Variants in ZNF365 observed in about 807,000 individuals in gnomAD.
ZNF365 encodes protein ZNF365.
Under a neutral mutation model 35.0 loss-of-function variants are expected in ZNF365, and 22 were observed. That is an observed-to-expected ratio of 0.63 (90% confidence interval 0.45 to 0.90). ZNF365 has a LOEUF of 0.90. Among genes scored for constraint, ZNF365 ranks in the 40% least tolerant of loss-of-function variants. The probability of loss-of-function intolerance (pLI) is 0.00; values close to 1 mark genes in which losing one functional copy is unlikely to be tolerated. For missense variants in ZNF365, 448 were observed against 500.3 expected (o/e 0.90, Z 1.00); for synonymous variants, 188 against 196.2 (o/e 0.96, Z 0.35).
At chr10:62,415,316 A>G (rs1362419068) in intron 3 of ZNF365, among the ~76,000 whole-genome samples, 1 of 152,028 alleles carries the variant, frequency 6.6e-6, no homozygotes, top group African/African-American at 2.4e-5. Flanking sequence ...CGCCCTTTCC[A>G]CTACTGGGCA....
chr10:62,402,851 A>T (rs368122688), downstream of ZNF365, among the ~76,000 whole-genome samples: 114 of 152,352 alleles, frequency 7.5e-4, no homozygotes, highest in Middle Eastern at 0.031. Flanking sequence ...GAGAGTGATC[A>T]GAATAGATAA....
At chr10:62,397,591 A>C (rs1390709243) in intron 3 of ZNF365, among the ~76,000 whole-genome samples, 3 of 152,186 alleles carry the variant, frequency 2.0e-5, no homozygotes, top group African/African-American at 7.2e-5. Context: ...GATAATTATC[A>C]ATTTATTCTG....
rs1839274088 is a variant in ZNF365, at chr10:62,374,405, C to T, written c.-67C>T. 1 of 147,856 alleles carries T rather than the reference C, an allele frequency of 6.8e-6. No individual in the cohort carries two copies. The highest frequency in any genetic ancestry group is 2.4e-5 in the African/African-American group (1 of 40,908). The allele number at this position is 147,856 out of a possible 1,614,324, so 9.2% of individuals were successfully genotyped here. On this transcript the variant is annotated 5_prime_UTR_variant, in exon 1 of 5. Transcript: ENST00000395254. ...CGGCTCTGCTGAAAACCGCTTCGCTCCCGCAGCATCAGCACCGGAGGCGGC... is the reference window on the plus strand; with the variant it reads ...CGGCTCTGCTGAAAACCGCTTCGCTTCCGCAGCATCAGCACCGGAGGCGGC...
chr10:62,480,250 T>C, exon 5 of ZNF365: 3 of 1,017,570 alleles, frequency 2.9e-6, no homozygotes, highest in Non-Finnish European at 3.5e-6. Flanking sequence ...ACATGGCAGG[T>C]ACTCAGTTGT....
chr10:62,402,819 A>G (rs1338097771), downstream of ZNF365, among the ~76,000 whole-genome samples: 8 of 152,242 alleles, frequency 5.3e-5, no homozygotes, highest in South Asian at 1.7e-3. Context: ...TATGCTATAC[A>G]TCCAAGACAT....
chr10:62,428,094 C>T (rs1026222866), intron 3 of ZNF365, among the ~76,000 whole-genome samples: 5 of 152,184 alleles, frequency 3.3e-5, no homozygotes, highest in East Asian at 1.9e-4. Context: ...GTTGATCCTA[C>T]GTGATTAATT....
At chr10:62,479,778 G>A (rs148535948) in intron 4 of ZNF365, 2 of 831,434 alleles carry the variant, frequency 2.4e-6, no homozygotes, top group African/African-American at 1.7e-5. Flanking sequence ...TTGTTTGCCA[G>A]GACCCATGGT....
chr10:62,397,688 GAT>G (rs1468090905), intron 3 of ZNF365, among the ~76,000 whole-genome samples: 1 of 152,186 alleles, frequency 6.6e-6, no homozygotes, highest in African/African-American at 2.4e-5. Context: ...TCATCTCAAT[GAT>G]AGACAGCCTC....
intron 2 of ZNF365, among the ~76,000 whole-genome samples, chr10:62,382,963 T>G (rs964114946): frequency 6.6e-6 from 1 of 152,158 alleles, no homozygotes; most frequent in Non-Finnish European, 1.5e-5. Context: ...GAGGAGAAGC[T>G]GATGTTAAAG....
At chr10:62,374,576 G>C (rs3816882) in intron 1 of ZNF365, 118 bp downstream of exon 1, 1 of 152,004 alleles carries the variant, frequency 6.6e-6, no homozygotes, top group Non-Finnish European at 1.5e-5. Context: ...TGGGAGAGCC[G>C]GCTTCCCGGC....
intron 3 of ZNF365, among the ~76,000 whole-genome samples, chr10:62,392,413 G>C (rs748870307): frequency 1.3e-5 from 2 of 152,176 alleles, no homozygotes; most frequent in African/African-American, 4.8e-5. Flanking sequence ...GTTGATTTTA[G>C]TATAAGGTGA....
chr10:62,408,127 C>T (rs1424143420), intron 3 of ZNF365, among the ~76,000 whole-genome samples: 1 of 152,130 alleles, frequency 6.6e-6, no homozygotes, highest in Non-Finnish European at 1.5e-5. Flanking sequence ...TCTGCTTTGA[C>T]TGTGGGTCCA....
intron 3 of ZNF365, among the ~76,000 whole-genome samples, chr10:62,414,502 C>T (rs573975566): frequency 6.6e-6 from 1 of 152,256 alleles, no homozygotes; most frequent in East Asian, 1.9e-4. Flanking sequence ...CTGTGTCTGG[C>T]CATCTATCTG....
intron 2 of ZNF365, among the ~76,000 whole-genome samples, chr10:62,377,172 T>C (rs1839351939): frequency 6.6e-6 from 1 of 152,170 alleles, no homozygotes; most frequent in Non-Finnish European, 1.5e-5. Flanking sequence ...CAACTGGGAA[T>C]TTGTAAACCA....
At chr10:62,480,113 G>A (rs1372702973) in exon 5 of ZNF365, 9 of 1,330,310 alleles carry the variant, frequency 6.8e-6, no homozygotes, top group African/African-American at 1.5e-5. Context: ...TAACAAGACT[G>A]CAGACTTCCT....
downstream of ZNF365, among the ~76,000 whole-genome samples, chr10:62,406,994 A>G (rs1451436168): frequency 6.6e-6 from 1 of 152,184 alleles, no homozygotes; most frequent in African/African-American, 2.4e-5. Flanking sequence ...AGGGTCAAGT[A>G]TCTCCAGCTC....
At chr10:62,475,995 G>A (rs1020740020) in intron 4 of ZNF365, among the ~76,000 whole-genome samples, 9 of 152,116 alleles carry the variant, frequency 5.9e-5, no homozygotes, top group Admixed American at 2.6e-4. Context: ...AGGGGTGTTA[G>A]GATACAGTGG....
At chr10:62,472,647 A>T (rs1841061146) in intron 4 of ZNF365, among the ~76,000 whole-genome samples, 1 of 152,142 alleles carries the variant, frequency 6.6e-6, no homozygotes, top group African/African-American at 2.4e-5. Flanking sequence ...AGACTTCTAG[A>T]CTCAAGAACT....
At chr10:62,426,343 G>A (rs117196899) in intron 3 of ZNF365, among the ~76,000 whole-genome samples, 1 of 152,164 alleles carries the variant, frequency 6.6e-6, no homozygotes, top group Non-Finnish European at 1.5e-5. Context: ...AGCCTCTGTG[G>A]TCTGTTCCTC....
Sources: gnomAD v4.1 joint callset for allele counts (sites outside exome capture counted in the v4.1 genomes callset) on GRCh38, gnomAD v4.1.1 for gene constraint, MANE v1.5 for transcripts, NCBI Gene and HGNC (gene_info 2026-07-23, HGNC 2026-07-21) for gene names.